AMBRA1: variants seen among roughly 807,000 people sequenced by gnomAD.
AMBRA1 encodes autophagy and beclin 1 regulator 1, also known as activating molecule in BECN1-regulated autophagy protein 1.
Under a neutral mutation model 125.4 loss-of-function variants are expected in AMBRA1, and 47 were observed. The ratio of observed to expected loss-of-function variants is 0.37; its 90% CI spans 0.30 to 0.48. The LOEUF is 0.48. Among genes scored for constraint, AMBRA1 ranks in the 20% least tolerant of loss-of-function variants. The pLI is 0.99. For missense variants in AMBRA1, 1,331 were observed against 1,693.4 expected, an observed-to-expected ratio of 0.79 and a Z score of 3.76; for synonymous variants, 626 against 655.5, an observed-to-expected ratio of 0.95 and a Z score of 0.69.
At chr11:46,565,494 C>T (rs1429770816) in intron 1 of AMBRA1, among the ~76,000 whole-genome samples, 1 of 150,946 alleles carries the variant, frequency 6.6e-6, no homozygotes, top group Non-Finnish European at 1.5e-5. Context: ...ATTGCTTGAG[C>T]CCAAGAGTTC....
chr11:46,518,489 A>C (rs1342577504), intron 7 of AMBRA1: 2 of 154,570 alleles, frequency 1.3e-5, no homozygotes, highest in East Asian at 3.9e-4. Flanking sequence ...TTCTTAGAAT[A>C]GCAACTTGCC....
At chr11:46,553,699 C>G (rs1012689728) in intron 1 of AMBRA1, among the ~76,000 whole-genome samples, 1 of 151,558 alleles carries the variant, frequency 6.6e-6, no homozygotes, top group Non-Finnish European at 1.5e-5. Flanking sequence ...GAGCTGAGAC[C>G]GTGCCATTGT....
intron 1 of AMBRA1, among the ~76,000 whole-genome samples, chr11:46,554,309 G>T (rs1240598871): frequency 6.6e-6 from 1 of 152,118 alleles, no homozygotes; most frequent in Non-Finnish European, 1.5e-5. Context: ...CCGACCTCCT[G>T]TTACTCAAGA....
intron 7 of AMBRA1, among the ~76,000 whole-genome samples, chr11:46,526,505 C>T (rs1316448865): frequency 6.7e-6 from 1 of 149,448 alleles, no homozygotes; most frequent in African/African-American, 2.5e-5. Flanking sequence ...TCTGCTATCC[C>T]TGTCATCTAT....
At chr11:46,482,065 C>T (rs1228165724) in intron 11 of AMBRA1, among the ~76,000 whole-genome samples, 1 of 152,180 alleles carries the variant, frequency 6.6e-6, no homozygotes, top group Non-Finnish European at 1.5e-5. Flanking sequence ...TGTGATGTTT[C>T]CAGCTTTGTG....
chr11:46,564,218 TAA>T (rs781562495), intron 1 of AMBRA1, among the ~76,000 whole-genome samples: 9 of 131,108 alleles, frequency 6.9e-5, no homozygotes, highest in Admixed American at 7.7e-5. Flanking sequence ...ATCCCAGTAT[TAA>T]AAAAAAAAAA....
chr11:46,585,049 ACTGTGCTCT>A (rs199780113), intron 1 of AMBRA1, among the ~76,000 whole-genome samples: 4,022 of 152,172 alleles, frequency 0.026, 133 homozygotes, highest in African/African-American at 0.078. Context: ...AGCCTGGGCG[ACTGTGCTCT>A]CTGTGCTCTC....
intron 6 of AMBRA1, 68 bp downstream of exon 6, chr11:46,543,907 G>T: frequency 8.0e-7 from 1 of 1,250,064 alleles, no homozygotes; most frequent in Non-Finnish European, 1.2e-6. Flanking sequence ...AATATAATCA[G>T]AATTGGAATA....
At chr11:46,449,300 A>C (rs1948461514) in intron 11 of AMBRA1, among the ~76,000 whole-genome samples, 1 of 152,210 alleles carries the variant, frequency 6.6e-6, no homozygotes, top group Admixed American at 6.5e-5. Flanking sequence ...AAGAATCAAC[A>C]AAAAAACTCC....
chr11:46,443,862 C>T (rs1565164797), intron 11 of AMBRA1, among the ~76,000 whole-genome samples: 2 of 152,164 alleles, frequency 1.3e-5, no homozygotes, highest in African/African-American at 4.8e-5. Context: ...GTGCCAACAA[C>T]GTGGCAGGTA....
At chr11:46,514,490 C>G (rs545161295) in intron 7 of AMBRA1, among the ~76,000 whole-genome samples, 1 of 152,338 alleles carries the variant, frequency 6.6e-6, no homozygotes, top group East Asian at 1.9e-4. Flanking sequence ...ATACATCTCT[C>G]TGGTTGAAAG....
At chr11:46,526,725 CCA>C (rs1271773857) in intron 7 of AMBRA1, among the ~76,000 whole-genome samples, 1 of 148,686 alleles carries the variant, frequency 6.7e-6, no homozygotes, top group East Asian at 1.9e-4. Context: ...AGTCTACACC[CCA>C]CACACACAAA....
intron 14 of AMBRA1, 91 bp from the exon 15 acceptor site, chr11:46,418,143 A>T: frequency 1.6e-6 from 2 of 1,273,672 alleles, no homozygotes; most frequent in South Asian, 2.0e-5. Flanking sequence ...ACAAATTAGA[A>T]GGAGGAAAGG....
intron 7 of AMBRA1, among the ~76,000 whole-genome samples, chr11:46,539,056 A>C (rs1028632336): frequency 6.6e-6 from 1 of 151,868 alleles, no homozygotes; most frequent in Non-Finnish European, 1.5e-5. Context: ...TTGCTCTAGA[A>C]AATCTAGTGG....
At chr11:46,580,607 C>G (rs2044136078) in intron 1 of AMBRA1, among the ~76,000 whole-genome samples, 1 of 152,174 alleles carries the variant, frequency 6.6e-6, no homozygotes, top group Non-Finnish European at 1.5e-5. Context: ...TCCATTAAGT[C>G]TTGCCTGTCC....
rs763230511 is a variant in AMBRA1, at chr11:46,542,179, C to T, written c.1838G>A (p.Gly613Asp). 2 of 1,613,694 alleles carry T rather than the reference C, an allele frequency of 1.2e-6. No homozygotes were observed. Among genetic ancestry groups the T allele is most frequent in the Non-Finnish European group, 1.7e-6 (2 of 1,179,792 alleles). ...PSSFESVPSS[G>D]SQLPPLERTE... ...CCGCTCGAGAGGTGGCAACTGGCTG[C>T]CACTTGATGGCACACTCTCAAAGGA... The change falls in exon 7 of 18, where the codon GGC (glycine) becomes GAC (aspartate). Residue 613 changes from glycine to aspartate, a missense_variant. Gly to Asp is a moderately conservative substitution (Grantham distance 94). Around this residue, in one of 4 missense-constraint regions of AMBRA1, gnomAD observed 689 missense variants for 776.5 expected, o/e 0.89. Transcript: ENST00000683756. This position sits in a 1 kb window ranked among gnomAD's most constrained non-coding sequence, Gnocchi z 5.9.
At chr11:46,467,869 C>T (rs1949394761) in intron 11 of AMBRA1, among the ~76,000 whole-genome samples, 2 of 152,132 alleles carry the variant, frequency 1.3e-5, no homozygotes, top group Admixed American at 1.3e-4. Flanking sequence ...GAGATAAACA[C>T]ACATGTTCAT....
intron 7 of AMBRA1, among the ~76,000 whole-genome samples, chr11:46,536,670 C>T (rs1952493686): frequency 6.6e-6 from 1 of 152,164 alleles, no homozygotes; most frequent in Non-Finnish European, 1.5e-5. Context: ...ATGTTTGGGC[C>T]GAGGCCTCCC....
chr11:46,589,278 A>G (rs1175955231), intron 1 of AMBRA1, among the ~76,000 whole-genome samples: 1 of 152,206 alleles, frequency 6.6e-6, no homozygotes, highest in Non-Finnish European at 1.5e-5. Flanking sequence ...AAAATTGATC[A>G]CATTAACTTG....
Sources: allele counts gnomAD v4.1 joint callset (sites outside exome capture counted in the v4.1 genomes callset), GRCh38; gene constraint gnomAD v4.1.1; regional missense constraint gnomAD v4.1.1; non-coding constraint Gnocchi (gnomAD v3.1); transcripts MANE v1.5; gene names NCBI Gene and HGNC (gene_info 2026-07-23, HGNC 2026-07-21).